The following CPLX1 variants were observed in gnomAD, a reference collection of about 807,000 sequenced individuals.
The protein encoded by CPLX1 is complexin 1.
In CPLX1, 6 loss-of-function variants were observed where a neutral mutation model predicts 15.6. The ratio of observed to expected loss-of-function variants is 0.39; its 90% CI spans 0.21 to 0.76. The LOEUF (loss-of-function observed/expected upper bound fraction) is 0.76. CPLX1 is among the 30% of genes least tolerant of loss of function. CPLX1 has a pLI of 0.43. For missense variants in CPLX1, 242 were observed against 188.6 expected (o/e 1.28, Z -1.66); for synonymous variants, 91 against 75.2 (o/e 1.21, Z -1.08).
At chr4:815,317 A>C (rs1746731457) in intron 2 of CPLX1, among the ~76,000 whole-genome samples, 1 of 147,304 alleles carries the variant, frequency 6.8e-6, no homozygotes, top group African/African-American at 2.5e-5. Context: ...AGGCCGAGGC[A>C]GGAGAATTGC....
At chr4:802,174 T>C (rs907579546) in intron 2 of CPLX1, among the ~76,000 whole-genome samples, 3 of 152,210 alleles carry the variant, frequency 2.0e-5, no homozygotes, top group Non-Finnish European at 2.9e-5. Flanking sequence ...AACAGGTGAA[T>C]AGACAAACTG....
At chr4:790,946 C>T (rs990746145) in intron 3 of CPLX1, among the ~76,000 whole-genome samples, 2 of 137,248 alleles carry the variant, frequency 1.5e-5, no homozygotes, top group Non-Finnish European at 3.2e-5. Context: ...GTCTTTTTCT[C>T]TGTCTCTCCC....
At position 790,115 on chromosome 4, in the gene CPLX1, C is replaced by T. The variant is rs148598105; in HGVS notation, c.207+2318G>A. Among the ~76,000 whole-genome samples, 1,445 of 152,232 alleles carry T rather than the reference C, an allele frequency of 9.5e-3. 11 individuals carry two copies. Among genetic ancestry groups the T allele is most frequent in the Middle Eastern group, 0.024 (7 of 294 alleles). ...ACGCCTGAGGGCGGGGTTCCCCCAC[C>T]CCAAAGGCTCTGTGGAGGAGGACTC... On this transcript the variant is annotated intron_variant, in intron 3 of 3. Transcript: ENST00000304062.
intron 2 of CPLX1, among the ~76,000 whole-genome samples, chr4:808,281 C>T (rs1256615404): frequency 6.6e-6 from 1 of 152,044 alleles, no homozygotes; most frequent in Non-Finnish European, 1.5e-5. Flanking sequence ...AATCCTCCTC[C>T]TGGGCCCTTG....
chr4:788,679 G>T (rs748685845), intron 3 of CPLX1, among the ~76,000 whole-genome samples: 4 of 152,158 alleles, frequency 2.6e-5, no homozygotes, highest in Non-Finnish European at 4.4e-5. Context: ...CACGGAAGTG[G>T]AGGGAGCATG....
intron 2 of CPLX1, among the ~76,000 whole-genome samples, chr4:793,989 C>T (rs973811960): frequency 2.6e-5 from 4 of 152,254 alleles, no homozygotes; most frequent in African/African-American, 9.6e-5. Context: ...ATGTCCCTGG[C>T]GCTCTGGGTT....
In CPLX1 at chr4:785,794, C is replaced by T. The variant is rs946317593; in HGVS notation, c.*707G>A. 1.3e-5 allele frequency: 2 copies of T among 152,052 alleles called. No individual in the cohort carries two copies. The highest frequency in any genetic ancestry group is 2.9e-5 in the Non-Finnish European group (2 of 68,102). The allele number at this position is 152,052 out of a possible 1,614,324, so 9.4% of individuals were successfully genotyped here. The stretch of plus-strand genomic sequence containing the variant: ...AGCAGCAGCCGCGTGGGCGGAGAGG[C>T]TAGGAGGCCGGGCGGGGGGCGAGGA... On this transcript the variant is annotated 3_prime_UTR_variant, in exon 4 of 4. Coordinates refer to ENST00000304062, the MANE Select transcript of CPLX1 (RefSeq NM_006651.4).
rs532062724 is a variant in CPLX1 at position 785,482 on chromosome 4, T to C, written c.*1019A>G. On this transcript the variant is annotated 3_prime_UTR_variant, in exon 4 of 4. Transcript: ENST00000304062. ...GCCTGTCAAGATAAAACTCATTAAATGCAAAGACCTCATTTACCTGAGATT... is the reference window on the plus strand; with the variant it reads ...GCCTGTCAAGATAAAACTCATTAAACGCAAAGACCTCATTTACCTGAGATT... 6.6e-5 allele frequency: 10 copies of C among 152,662 alleles called. No homozygotes were observed. The East Asian group carries it at 1.9e-3, about 30-fold the overall frequency. The allele number at this position is 152,662 out of a possible 1,614,324, so 9.5% of individuals were successfully genotyped here.
intron 2 of CPLX1, among the ~76,000 whole-genome samples, chr4:816,213 A>ATTTTTT (rs34183163): frequency 8.7e-6 from 1 of 115,034 alleles, no homozygotes; most frequent in African/African-American, 3.4e-5. Context: ...TCTCCGTGAA[A>ATTTTTT]TTTTTTTTTT....
chr4:789,154 G>C (rs1291540962), intron 3 of CPLX1, among the ~76,000 whole-genome samples: 1 of 152,214 alleles, frequency 6.6e-6, no homozygotes, highest in African/African-American at 2.4e-5. Flanking sequence ...GGGAAAACAG[G>C]CTCCGGGGCT....
Position 814,338 on chromosome 4 carries a change from G to A in CPLX1, c.31+10154C>T, listed in dbSNP as rs112523262. 2.2e-4 allele frequency among the ~76,000 whole-genome samples: 33 copies of A among 152,178 alleles called. 1 individual carries two copies. Among genetic ancestry groups the A allele is most frequent in the African/African-American group, 7.2e-4 (30 of 41,522 alleles). Reference sequence around the variant, plus strand: ...AGTGATTCTCCTGCCTCACCCTCCTGAGCAGCTTGGACTACAGGTGCCTGC... The same window carrying A: ...AGTGATTCTCCTGCCTCACCCTCCTAAGCAGCTTGGACTACAGGTGCCTGC... On this transcript the variant is annotated intron_variant, in intron 2 of 3. Transcript: ENST00000304062.
intron 2 of CPLX1, among the ~76,000 whole-genome samples, chr4:812,570 A>G (rs921713513): frequency 6.6e-6 from 1 of 152,218 alleles, no homozygotes; most frequent in Non-Finnish European, 1.5e-5. Context: ...TTATCTTCAG[A>G]CAGAATACCG....
At chr4:797,651 A>T (rs1368129532) in intron 2 of CPLX1, among the ~76,000 whole-genome samples, 1 of 145,232 alleles carries the variant, frequency 6.9e-6, no homozygotes, top group Admixed American at 6.8e-5. Context: ...GACTTACTGT[A>T]GGCCGGGCGC....
At chr4:797,716 G>A (rs977557557) in intron 2 of CPLX1, among the ~76,000 whole-genome samples, 15 of 150,248 alleles carry the variant, frequency 1.0e-4, no homozygotes, top group Non-Finnish European at 1.8e-4. Flanking sequence ...GGCGGATCAC[G>A]AGGTCAGGAG....
intron 2 of CPLX1, among the ~76,000 whole-genome samples, chr4:815,665 G>C (rs542151124): frequency 6.6e-6 from 1 of 152,208 alleles, no homozygotes; most frequent in Non-Finnish European, 1.5e-5. Flanking sequence ...TAAGAAGTCC[G>C]TTATTGTAAG....
chr4:799,797 A>G (rs533208953), intron 2 of CPLX1, among the ~76,000 whole-genome samples: 1 of 152,198 alleles, frequency 6.6e-6, no homozygotes, highest in African/African-American at 2.4e-5. Context: ...CAGGAGGCAG[A>G]GGTTGCAGTG....
chr4:803,987 A>G (rs1186010849), intron 2 of CPLX1, among the ~76,000 whole-genome samples: 1 of 152,206 alleles, frequency 6.6e-6, no homozygotes, highest in Non-Finnish European at 1.5e-5. Flanking sequence ...TGCCTTTTCT[A>G]TGCTTAGGTG....
intron 2 of CPLX1, among the ~76,000 whole-genome samples, 198 bp downstream of exon 2, chr4:824,294 C>T (rs537811739): frequency 9.2e-5 from 14 of 152,344 alleles, no homozygotes; most frequent in Non-Finnish European, 1.8e-4. Context: ...AGTTCTGGCT[C>T]GGGGCCTCGA....
In CPLX1 at chr4:785,706, T is replaced by G. The variant is rs1053235749; in HGVS notation, c.*795A>C. 1.3e-5 allele frequency: 2 copies of G among 152,232 alleles called. No individual in the cohort carries two copies. The highest frequency in any genetic ancestry group is 4.8e-5 in the African/African-American group (2 of 41,410). The allele number at this position is 152,232 out of a possible 1,614,324, so 9.4% of individuals were successfully genotyped here. A position where few individuals can be genotyped will look rare whatever the true frequency, so the allele number is the denominator to read the frequency against. ...TCTCCAGCGTCCGGTGCCTCGGGCC[T>G]CTGCGGCTCCTGTGGAGGGTGCAGT... On this transcript the variant is annotated 3_prime_UTR_variant, in exon 4 of 4. Coordinates refer to ENST00000304062, the MANE Select transcript of CPLX1 (RefSeq NM_006651.4).
Sources: gnomAD v4.1 joint callset for allele counts (sites outside exome capture counted in the v4.1 genomes callset) on GRCh38, gnomAD v4.1.1 for gene constraint, MANE v1.5 for transcripts, NCBI Gene and HGNC (gene_info 2026-07-23, HGNC 2026-07-21) for gene names.